PAX3: variants seen among roughly 807,000 people sequenced by gnomAD.
PAX3 encodes paired box protein Pax-3.
Under a neutral mutation model 51.6 loss-of-function variants are expected in PAX3, and 14 were observed. The ratio of observed to expected loss-of-function variants is 0.27; its 90% CI spans 0.18 to 0.42. PAX3 has a LOEUF of 0.42. Ranked by LOEUF, PAX3 falls within the 10% of genes least tolerant of loss-of-function variation. PAX3 has a pLI of 1.00. For missense variants in PAX3, 540 were observed against 642.8 expected (o/e 0.84, Z 1.73); for synonymous variants, 280 against 253.4 (o/e 1.11, Z -1.00).
At chr2:222,284,757 C>A (rs550498169) in intron 4 of PAX3, among the ~76,000 whole-genome samples, 27 of 152,292 alleles carry the variant, frequency 1.8e-4, no homozygotes, top group African/African-American at 6.3e-4. Flanking sequence ...TTATTTCCCC[C>A]CCGACCAAGA....
chr2:222,261,992 C>A (rs1693879829), intron 4 of PAX3, among the ~76,000 whole-genome samples: 1 of 151,994 alleles, frequency 6.6e-6, no homozygotes, highest in African/African-American at 2.4e-5. Flanking sequence ...TTCTTTGTGC[C>A]CCTTTGGTCA....
chr2:222,231,164 G>T (rs1481983081), intron 5 of PAX3, among the ~76,000 whole-genome samples: 1 of 152,172 alleles, frequency 6.6e-6, no homozygotes, highest in East Asian at 1.9e-4. Context: ...ATCTATGAAC[G>T]TGTTGATCAA....
At chr2:222,212,849 C>A (rs1407759522) in intron 7 of PAX3, among the ~76,000 whole-genome samples, 1 of 152,140 alleles carries the variant, frequency 6.6e-6, no homozygotes, top group African/African-American at 2.4e-5. Context: ...GGCCATTGGC[C>A]CCACATAATA....
At chr2:222,272,184 A>G (rs924042709) in intron 4 of PAX3, among the ~76,000 whole-genome samples, 1 of 152,230 alleles carries the variant, frequency 6.6e-6, no homozygotes, top group African/African-American at 2.4e-5. Context: ...GGAAACTCTC[A>G]TCTTCAATGG....
intron 4 of PAX3, among the ~76,000 whole-genome samples, chr2:222,284,712 G>C (rs548520595): frequency 6.6e-6 from 1 of 152,276 alleles, no homozygotes; most frequent in South Asian, 2.1e-4. Context: ...CCATCTGCTA[G>C]TTTGTAGGCT....
At chr2:222,277,440 T>A (rs1480357797) in intron 4 of PAX3, among the ~76,000 whole-genome samples, 2 of 152,196 alleles carry the variant, frequency 1.3e-5, no homozygotes, top group African/African-American at 4.8e-5. Flanking sequence ...TGGGGAGACG[T>A]GGACCGTTTT....
chr2:222,292,779 G>T (rs1013072716), intron 4 of PAX3, among the ~76,000 whole-genome samples: 13 of 152,214 alleles, frequency 8.5e-5, no homozygotes. Context: ...GATTTAGGCT[G>T]AGTCCATAGG....
intron 4 of PAX3, among the ~76,000 whole-genome samples, chr2:222,257,860 C>T (rs1223333393): frequency 1.3e-5 from 2 of 152,198 alleles, no homozygotes; most frequent in African/African-American, 2.4e-5. Context: ...CTGCTGACTG[C>T]ATCGTCCCGG....
At chr2:222,239,320 T>G in intron 4 of PAX3, among the ~76,000 whole-genome samples, 1 of 121,874 alleles carries the variant, frequency 8.2e-6, no homozygotes, top group Admixed American at 9.5e-5. Context: ...AAAGGGGAGG[T>G]TGGGGTGGGT....
At chr2:222,229,073 G>T (rs16863537) in intron 5 of PAX3, among the ~76,000 whole-genome samples, 8,053 of 151,950 alleles carry the variant, frequency 0.053, 715 homozygotes, top group African/African-American at 0.18. Flanking sequence ...CATAACATTT[G>T]CAGGTAATTG....
chr2:222,232,370 A>ATGGTGTCTTGCAGTCG, intron 4 of PAX3, 87 bp from the exon 5 acceptor site: 1 of 1,154,294 alleles, frequency 8.7e-7, no homozygotes, highest in Non-Finnish European at 1.3e-6. Flanking sequence ...TCCGACTGCA[A>ATGGTGTCTTGCAGTCG]GACACCATTA....
chr2:222,292,886 T>C (rs1306735038), intron 4 of PAX3, among the ~76,000 whole-genome samples: 4 of 152,224 alleles, frequency 2.6e-5, no homozygotes. Context: ...TATCTACACT[T>C]GTTTTTCCCT....
intron 4 of PAX3, among the ~76,000 whole-genome samples, chr2:222,292,097 G>A (rs775887530): frequency 4.0e-5 from 6 of 151,436 alleles, no homozygotes; most frequent in Admixed American, 6.6e-5. Context: ...ATAGCAGCCG[G>A]CCCAGCTAGA....
At chr2:222,202,314 C>T in intron 7 of PAX3, 124 bp from the exon 8 acceptor site, 1 of 795,090 alleles carries the variant, frequency 1.3e-6, no homozygotes, top group Non-Finnish European at 2.1e-6. Context: ...AAGAGCTGTC[C>T]AGGAGACTAT....
At chr2:222,251,819 G>A (rs966691574) in intron 4 of PAX3, among the ~76,000 whole-genome samples, 42 of 152,136 alleles carry the variant, frequency 2.8e-4, no homozygotes, top group African/African-American at 9.7e-4. Flanking sequence ...GTGTGAGATG[G>A]TATCTCATTG....
intron 4 of PAX3, among the ~76,000 whole-genome samples, chr2:222,279,452 G>C (rs1320182448): frequency 6.6e-6 from 1 of 152,202 alleles, no homozygotes; most frequent in East Asian, 1.9e-4. Flanking sequence ...AGCCCACAGG[G>C]CCCTTTATGG....
intron 5 of PAX3, among the ~76,000 whole-genome samples, chr2:222,225,050 C>A (rs188415242): frequency 2.0e-5 from 3 of 152,268 alleles, no homozygotes; most frequent in African/African-American, 4.8e-5. Flanking sequence ...CACAAGATTA[C>A]CTGGCCTTCC....
intron 4 of PAX3, among the ~76,000 whole-genome samples, chr2:222,243,112 A>C (rs16863563): frequency 6.6e-6 from 1 of 152,230 alleles, no homozygotes; most frequent in Non-Finnish European, 1.5e-5. Context: ...TTTATCCACA[A>C]GGAAACTTTG....
At chr2:222,264,545 G>A (rs1027767500) in intron 4 of PAX3, 7 of 152,048 alleles carry the variant, frequency 4.6e-5, no homozygotes, top group Admixed American at 2.6e-4. Context: ...TTTGTGTTAC[G>A]CAAGTTTCAC....
Sources: allele counts gnomAD v4.1 joint callset (sites outside exome capture counted in the v4.1 genomes callset), GRCh38; gene constraint gnomAD v4.1.1; transcripts MANE v1.5; gene names NCBI Gene and HGNC (gene_info 2026-07-23, HGNC 2026-07-21).